The following GABBR2 variants were observed in gnomAD, a reference collection of about 807,000 sequenced individuals.
GABBR2 encodes the protein gamma-aminobutyric acid type B receptor subunit 2, also known as G-protein coupled receptor 51.
Under a neutral mutation model 105.6 loss-of-function variants are expected in GABBR2, and 23 were observed. The observed-to-expected ratio is 0.22, with a 90% CI of 0.16 to 0.31. The LOEUF (loss-of-function observed/expected upper bound fraction) is 0.31, where lower values mean the gene tolerates loss of function less well. GABBR2 is among the 10% of genes least tolerant of loss of function. The pLI is 1.00. For synonymous variants in GABBR2, 478 were observed against 499.7 expected (o/e 0.96, Z 0.58); for missense variants, 734 against 1,245.5 (o/e 0.59, Z 6.18).
intron 5 of GABBR2, among the ~76,000 whole-genome samples, chr9:98,477,817 A>G (rs1232065476): frequency 1.3e-5 from 2 of 152,236 alleles, no homozygotes; most frequent in African/African-American, 4.8e-5. Context: ...TCGCATCAGT[A>G]AGGCAGTTAA....
chr9:98,303,617 C>T (rs546588340), intron 15 of GABBR2, among the ~76,000 whole-genome samples, 194 bp from the exon 16 acceptor site: 20 of 152,318 alleles, frequency 1.3e-4, no homozygotes, highest in African/African-American at 4.8e-4. Context: ...TGGGGCAGGC[C>T]CCCTCCCCTC....
intron 6 of GABBR2, among the ~76,000 whole-genome samples, chr9:98,472,254 G>C (rs1024394374): frequency 1.3e-5 from 2 of 152,114 alleles, no homozygotes; most frequent in African/African-American, 2.4e-5. Context: ...CCTTTACCAG[G>C]GCTATCATCA....
At chr9:98,404,838 G>C (rs1449571201) in intron 8 of GABBR2, among the ~76,000 whole-genome samples, 2 of 152,022 alleles carry the variant, frequency 1.3e-5, no homozygotes, top group African/African-American at 4.8e-5. Flanking sequence ...AAAGTGGTGG[G>C]TTATAATAGA....
Position 98,465,121 on chromosome 9 carries a change from T to TAAAAAAAAAAAAAAAAAAAAAA in GABBR2, c.999+8003_999+8024dup, listed in dbSNP as rs57747633. 4.1e-4 allele frequency among the ~76,000 whole-genome samples: 9 copies of TAAAAAAAAAAAAAAAAAAAAAA among 22,002 alleles called. 1 individual carries two copies. The highest frequency in any genetic ancestry group is 4.4e-4 in the Non-Finnish European group (6 of 13,604). The allele number at this position is 22,002 out of a possible 152,430, so 14.4% of individuals were successfully genotyped here. A position where few individuals can be genotyped will look rare whatever the true frequency, so the allele number is the denominator to read the frequency against. ...ACACCCAAGAATGATCAATAAATAC[T>TAAAAAAAAAAAAAAAAAAAAAA]AAAAAAAAAAAAAAAAAAAAAAAAA... On this transcript the variant is annotated intron_variant, in intron 6 of 18. Transcript: ENST00000259455.
chr9:98,680,006 T>G (rs750638342), intron 1 of GABBR2, among the ~76,000 whole-genome samples: 13 of 152,248 alleles, frequency 8.5e-5, no homozygotes, highest in Non-Finnish European at 4.4e-5. Flanking sequence ...CATGTAAAAC[T>G]TATATTAAAT....
chr9:98,659,209 A>G (rs368515706), intron 1 of GABBR2, among the ~76,000 whole-genome samples: 4 of 152,180 alleles, frequency 2.6e-5, no homozygotes, highest in Admixed American at 1.3e-4. Flanking sequence ...CCTTTTGCAT[A>G]TATTTCTCTG....
intron 1 of GABBR2, among the ~76,000 whole-genome samples, chr9:98,664,018 G>A (rs936407777): frequency 6.6e-6 from 1 of 152,146 alleles, no homozygotes; most frequent in Non-Finnish European, 1.5e-5. Context: ...AGATCATAAT[G>A]AGTCTACTAG....
intron 1 of GABBR2, among the ~76,000 whole-genome samples, chr9:98,613,189 A>G (rs1239741771): frequency 6.6e-6 from 1 of 152,192 alleles, no homozygotes; most frequent in African/African-American, 2.4e-5. Flanking sequence ...CTATAATTCC[A>G]ACACCTTGGG....
chr9:98,534,302 AG>A (rs59988509), intron 3 of GABBR2, among the ~76,000 whole-genome samples: 38,955 of 147,670 alleles, frequency 0.26, 5,096 homozygotes, highest in Admixed American at 0.31. Context: ...GAGATCACTG[AG>A]GACCAGTGAC....
intron 2 of GABBR2, among the ~76,000 whole-genome samples, chr9:98,574,215 G>A (rs1828878844): frequency 6.6e-6 from 1 of 152,226 alleles, no homozygotes; most frequent in African/African-American, 2.4e-5. Context: ...CACCCAGTGA[G>A]CTTACCTCCC....
At chr9:98,608,268 TTTG>T (rs760301293) in intron 1 of GABBR2, 24 of 566,924 alleles carry the variant, frequency 4.2e-5, no homozygotes, top group Middle Eastern at 4.8e-4. Context: ...ACACATTATT[TTTG>T]TTGTTGTTGT....
intron 11 of GABBR2, among the ~76,000 whole-genome samples, chr9:98,385,156 T>C (rs1033378766): frequency 6.6e-6 from 1 of 152,224 alleles, no homozygotes; most frequent in East Asian, 1.9e-4. Flanking sequence ...TTTTCTATGT[T>C]ACTCTGTCAA....
intron 9 of GABBR2, 23 bp from the exon 10 acceptor site, chr9:98,389,027 C>T: frequency 6.2e-7 from 1 of 1,600,642 alleles, no homozygotes; most frequent in Non-Finnish European, 8.5e-7. Flanking sequence ...GAGAAGACAT[C>T]AGTGGGACCC....
intron 7 of GABBR2, among the ~76,000 whole-genome samples, chr9:98,413,760 T>C (rs1832632299): frequency 6.6e-6 from 1 of 152,088 alleles, no homozygotes; most frequent in Non-Finnish European, 1.5e-5. Context: ...TGTGGTGGCC[T>C]AAGGTGGGGC....
chr9:98,590,411 C>T (rs1473611337), intron 1 of GABBR2, among the ~76,000 whole-genome samples: 1 of 152,244 alleles, frequency 6.6e-6, no homozygotes, highest in East Asian at 1.9e-4. Context: ...AGCCATAGCA[C>T]ACATCTCTCC....
intron 13 of GABBR2, among the ~76,000 whole-genome samples, chr9:98,332,332 A>G (rs548280617): frequency 4.6e-4 from 70 of 152,310 alleles, no homozygotes; most frequent in African/African-American, 1.6e-3. Context: ...CAGTTTTCTT[A>G]GGGAGTCAGG....
intron 4 of GABBR2, among the ~76,000 whole-genome samples, chr9:98,490,248 C>T (rs1445189181): frequency 6.6e-6 from 1 of 150,852 alleles, no homozygotes; most frequent in Non-Finnish European, 1.5e-5. Context: ...ATATATTTTA[C>T]TACAATAAAA....
chr9:98,318,284 T>C lies in GABBR2; in HGVS notation c.1894-7079A>G, dbSNP rs1174031523. Among the ~76,000 whole-genome samples, 4 of 152,336 alleles carry C rather than the reference T, an allele frequency of 2.6e-5. No homozygotes were observed. In the East Asian group the frequency reaches 7.7e-4, roughly 29 times the overall value. ...AGGAGCTGATCCAGGGGCCACCCTT[T>C]GGGCAGCAAGGCCTTAAAGGATTTG... On this transcript the variant is annotated intron_variant, in intron 13 of 18. Transcript: ENST00000259455.
chr9:98,575,700 T>G lies in GABBR2; in HGVS notation c.459+2235A>C, dbSNP rs150725561. 4.6e-3 allele frequency among the ~76,000 whole-genome samples: 694 copies of G among 152,298 alleles called. 9 individuals are homozygous for G. Among genetic ancestry groups the G allele is most frequent in the African/African-American group, 0.016 (653 of 41,560 alleles). ...AGCTGTCCTGGGCACCCTGAGGGCA[T>G]GAGGCCAGGCTCCCACGGCACACTG... On this transcript the variant is annotated intron_variant, in intron 2 of 18. Coordinates refer to ENST00000259455, the MANE Select transcript of GABBR2 (RefSeq NM_005458.8).
Sources: allele counts gnomAD v4.1 joint callset (sites outside exome capture counted in the v4.1 genomes callset), GRCh38; gene constraint gnomAD v4.1.1; transcripts MANE v1.5; gene names NCBI Gene and HGNC (gene_info 2026-07-23, HGNC 2026-07-21).